Variants in CSMD1 observed in about 807,000 individuals in gnomAD.
CSMD1 encodes the protein CUB and Sushi multiple domains 1.
A neutral mutation model predicts 417.5 loss-of-function variants in CSMD1; 213 were observed. That is an observed-to-expected ratio of 0.51 (90% confidence interval 0.46 to 0.57). The LOEUF is 0.57. Ranked by LOEUF, CSMD1 falls within the 20% of genes least tolerant of loss-of-function variation. CSMD1 has a pLI of 0.00. For synonymous variants in CSMD1, 2,862 were observed against 1,736.8 expected (o/e 1.65, Z -16.11); for missense variants, 6,923 against 4,529.7 (o/e 1.53, Z -15.17).
chr8:4,839,794 C>G (rs1010854188), intron 1 of CSMD1, among the ~76,000 whole-genome samples: 6 of 152,100 alleles, frequency 3.9e-5, no homozygotes, highest in African/African-American at 9.7e-5. Context: ...CAGATTTAGA[C>G]CTTTTGAATT....
intron 7 of CSMD1, among the ~76,000 whole-genome samples, chr8:3,651,339 C>T (rs1005512892): frequency 2.0e-5 from 3 of 152,042 alleles, no homozygotes; most frequent in Admixed American, 1.3e-4. Flanking sequence ...ATCTAGTCCC[C>T]ACCCCCACAC....
chr8:3,393,767 C>G (rs1460364155), intron 17 of CSMD1, among the ~76,000 whole-genome samples: 1 of 151,346 alleles, frequency 6.6e-6, no homozygotes, highest in Non-Finnish European at 1.5e-5. Context: ...CATGTTCTCA[C>G]TCATAGGTGG....
At chr8:3,517,647 G>C (rs981100763) in intron 10 of CSMD1, among the ~76,000 whole-genome samples, 6 of 152,160 alleles carry the variant, frequency 3.9e-5, no homozygotes, top group Non-Finnish European at 8.8e-5. Context: ...AAGGCTTTCT[G>C]AAAGAATTTT....
intron 3 of CSMD1, among the ~76,000 whole-genome samples, chr8:4,063,354 A>G (rs980274237): frequency 6.6e-5 from 10 of 152,172 alleles, no homozygotes; most frequent in African/African-American, 1.9e-4. Context: ...TTTAAAGAAA[A>G]TGTGTATGAA....
At chr8:4,104,412 A>T (rs1207577272) in intron 3 of CSMD1, among the ~76,000 whole-genome samples, 2 of 150,122 alleles carry the variant, frequency 1.3e-5, no homozygotes, top group Admixed American at 1.3e-4. Context: ...ACACATGCAC[A>T]CGCACACACA....
chr8:3,391,529 T>A (rs1563339833), intron 17 of CSMD1, among the ~76,000 whole-genome samples: 1 of 152,178 alleles, frequency 6.6e-6, no homozygotes, highest in African/African-American at 2.4e-5. Context: ...CTGTGCCACA[T>A]TCCTCGTAAA....
At chr8:3,100,338 G>A (rs1167999620) in intron 46 of CSMD1, among the ~76,000 whole-genome samples, 1 of 152,160 alleles carries the variant, frequency 6.6e-6, no homozygotes, top group Non-Finnish European at 1.5e-5. Flanking sequence ...AGAAGCATTT[G>A]GAGGTGTTTA....
At chr8:4,982,289 T>C (rs1025369102) in intron 1 of CSMD1, among the ~76,000 whole-genome samples, 1 of 152,200 alleles carries the variant, frequency 6.6e-6, no homozygotes. Context: ...ATGCAAAAAG[T>C]ATTCAAATGG....
chr8:4,074,847 T>G (rs1314843800), intron 3 of CSMD1, among the ~76,000 whole-genome samples: 1 of 151,812 alleles, frequency 6.6e-6, no homozygotes, highest in Non-Finnish European at 1.5e-5. Flanking sequence ...ATTTTCTGAG[T>G]TTTTTTTCTC....
At chr8:3,915,768 T>C (rs1808776303) in intron 5 of CSMD1, among the ~76,000 whole-genome samples, 1 of 149,766 alleles carries the variant, frequency 6.7e-6, no homozygotes, top group Non-Finnish European at 1.5e-5. Flanking sequence ...TTCCATTGCA[T>C]CTGTTCCTAA....
intron 7 of CSMD1, among the ~76,000 whole-genome samples, chr8:3,691,293 G>A (rs1050965669): frequency 6.6e-6 from 1 of 152,052 alleles, no homozygotes; most frequent in African/African-American, 2.4e-5. Context: ...CTTGACCCTG[G>A]GAGGCGGAGG....
intron 15 of CSMD1, among the ~76,000 whole-genome samples, chr8:3,401,955 T>C (rs1812064189): frequency 7.1e-6 from 1 of 141,376 alleles, no homozygotes; most frequent in Non-Finnish European, 1.6e-5. Context: ...ATTTCTTCTT[T>C]GCTTTTTTTT....
intron 25 of CSMD1, among the ~76,000 whole-genome samples, chr8:3,297,614 C>G (rs955869889): frequency 6.6e-6 from 1 of 152,128 alleles, no homozygotes; most frequent in African/African-American, 2.4e-5. Flanking sequence ...GGACAAAAAT[C>G]TGTGACACTT....
chr8:3,651,757 C>A (rs2117386080), intron 7 of CSMD1, among the ~76,000 whole-genome samples: 1 of 151,994 alleles, frequency 6.6e-6, no homozygotes, highest in South Asian at 2.1e-4. Flanking sequence ...ACTATACTTA[C>A]TACCAACAGA....
intron 11 of CSMD1, among the ~76,000 whole-genome samples, chr8:3,488,523 G>A (rs912458956): frequency 1.3e-5 from 2 of 152,110 alleles, no homozygotes; most frequent in Admixed American, 6.6e-5. Flanking sequence ...AGCAGTATTA[G>A]CACTCTTACT....
At chr8:4,921,252 G>A (rs1244344246) in intron 1 of CSMD1, among the ~76,000 whole-genome samples, 1 of 152,040 alleles carries the variant, frequency 6.6e-6, no homozygotes, top group Non-Finnish European at 1.5e-5. Flanking sequence ...CCAGCCAGAG[G>A]CAACATTTAT....
intron 2 of CSMD1, among the ~76,000 whole-genome samples, chr8:4,567,056 G>A (rs1798648516): frequency 6.6e-6 from 1 of 152,064 alleles, no homozygotes; most frequent in South Asian, 2.1e-4. Flanking sequence ...TTTGAAAAGG[G>A]GGCTTCCATA....
At chr8:4,853,987 T>C (rs1318591622) in intron 1 of CSMD1, among the ~76,000 whole-genome samples, 1 of 152,182 alleles carries the variant, frequency 6.6e-6, no homozygotes, top group African/African-American at 2.4e-5. Context: ...GGTATGAGAA[T>C]ATTTACCTAA....
At chr8:4,070,334 T>G (rs544116595) in intron 3 of CSMD1, among the ~76,000 whole-genome samples, 4 of 152,128 alleles carry the variant, frequency 2.6e-5, no homozygotes, top group Non-Finnish European at 5.9e-5. Flanking sequence ...AGAGAAAATG[T>G]CTTCTTATAT....
Sources: allele counts gnomAD v4.1 joint callset (sites outside exome capture counted in the v4.1 genomes callset), GRCh38; gene constraint gnomAD v4.1.1; transcripts MANE v1.5; gene names NCBI Gene and HGNC (gene_info 2026-07-23, HGNC 2026-07-21).